Variants in SLC16A9 observed in about 807,000 individuals in gnomAD.
The protein encoded by SLC16A9 is solute carrier family 16 member 9, also known as monocarboxylate transporter 9.
Under a neutral mutation model 44.3 loss-of-function variants are expected in SLC16A9, and 26 were observed. The ratio of observed to expected loss-of-function variants is 0.59; its 90% CI spans 0.43 to 0.81. SLC16A9 has a LOEUF of 0.81. SLC16A9 is among the 40% of genes least tolerant of loss of function. The pLI, the probability that SLC16A9 is intolerant of heterozygous loss-of-function variation, is 0.00. For missense variants in SLC16A9, 559 were observed against 595.8 expected (o/e 0.94, Z 0.64); for synonymous variants, 230 against 225.1 (o/e 1.02, Z -0.19).
chr10:59,707,819 T>C (rs907503871), intron 1 of SLC16A9, among the ~76,000 whole-genome samples: 6 of 152,196 alleles, frequency 3.9e-5, no homozygotes, highest in Non-Finnish European at 7.3e-5. Flanking sequence ...TTGAGTTGCA[T>C]GGCCAGATCC....
intron 3 of SLC16A9, among the ~76,000 whole-genome samples, chr10:59,672,484 C>G (rs1236903835): frequency 6.6e-6 from 1 of 152,098 alleles, no homozygotes; most frequent in East Asian, 1.9e-4. Flanking sequence ...TTTATGTTCC[C>G]CTCTCACTTT....
Position 59,695,856 on chromosome 10 carries a change from G to T in SLC16A9, c.-36-11529C>A, listed in dbSNP as rs1033156100. Among the ~76,000 whole-genome samples, 12 of 152,254 alleles carry T rather than the reference G, an allele frequency of 7.9e-5. No homozygotes were observed. The East Asian group carries it at 2.3e-3, about 29-fold the overall frequency. On this transcript the variant is annotated intron_variant, in intron 1 of 5. Transcript: ENST00000395348. ...GCTGCTTTAGGTACATATGGAGGAA[G>T]GAGATAACAGAAAACTATTTTAAGC...
intron 1 of SLC16A9, among the ~76,000 whole-genome samples, chr10:59,697,347 A>G (rs1840417538): frequency 6.6e-6 from 1 of 150,484 alleles, no homozygotes; most frequent in African/African-American, 2.4e-5. Flanking sequence ...TCTGTGTAGA[A>G]AGAGGTAGAC....
chr10:59,689,917 A>G (rs1840216220), intron 1 of SLC16A9, among the ~76,000 whole-genome samples: 1 of 152,230 alleles, frequency 6.6e-6, no homozygotes, highest in Non-Finnish European at 1.5e-5. Context: ...ATGATCTAAT[A>G]TGATACATTC....
At chr10:59,702,395 A>T (rs560705975) in intron 1 of SLC16A9, among the ~76,000 whole-genome samples, 1 of 152,344 alleles carries the variant, frequency 6.6e-6, no homozygotes, top group East Asian at 1.9e-4. Context: ...GATGGTTAAC[A>T]TACTCGCTGA....
chr10:59,652,934 C>G lies in SLC16A9; in HGVS notation c.1368G>C (p.Trp456Cys). 1 of 1,604,302 alleles carries G rather than the reference C, an allele frequency of 6.2e-7. No individual in the cohort carries two copies. The highest frequency in any genetic ancestry group is 8.5e-7 in the Non-Finnish European group (1 of 1,177,220). Residue 456 changes from tryptophan (W) to cysteine (C), a missense_variant, in exon 6 of 6, where the codon TGG becomes TGC. Trp to Cys is a radical substitution (Grantham distance 215). Transcript: ENST00000395348. The part of the protein sequence containing the change: ...GPPIVGWFYD[W>C]TQTYDIAFYF... The stretch of plus-strand genomic sequence containing the variant: ...AAAATGCAATATCATAGGTCTGGGT[C>G]CAGTCATAAAACCAACCTGAAAAGG...
At chr10:59,661,351 C>T (rs1839470923) in intron 4 of SLC16A9, among the ~76,000 whole-genome samples, 1 of 152,156 alleles carries the variant, frequency 6.6e-6, no homozygotes, top group African/African-American at 2.4e-5. Context: ...CATTCCTATA[C>T]ACCAATAATA....
chr10:59,679,280 T>C (rs1839935711), intron 2 of SLC16A9, among the ~76,000 whole-genome samples: 1 of 152,174 alleles, frequency 6.6e-6, no homozygotes, highest in Non-Finnish European at 1.5e-5. Flanking sequence ...CCATGATAGC[T>C]CTCTAGTTCA....
At chr10:59,696,889 G>A (rs1840396248) in intron 1 of SLC16A9, among the ~76,000 whole-genome samples, 1 of 150,576 alleles carries the variant, frequency 6.6e-6, no homozygotes, top group Non-Finnish European at 1.5e-5. Flanking sequence ...TGTGGGAAGT[G>A]AGGAGCGTCT....
At chr10:59,672,053 T>C (rs1023678803) in intron 3 of SLC16A9, among the ~76,000 whole-genome samples, 3 of 152,172 alleles carry the variant, frequency 2.0e-5, no homozygotes, top group African/African-American at 7.2e-5. Context: ...AAGAAGAAAC[T>C]TGAAAGCTGG....
At chr10:59,685,016 G>A (rs930505616) in intron 1 of SLC16A9, among the ~76,000 whole-genome samples, 2 of 152,158 alleles carry the variant, frequency 1.3e-5, no homozygotes, top group Admixed American at 1.3e-4. Context: ...AAGGAGGCCT[G>A]GAATGGAACT....
At position 59,684,136 on chromosome 10, in the gene SLC16A9, G is replaced by A. The variant is rs765963319; in HGVS notation, c.156C>T (p.Ala52=). 6.2e-7 allele frequency: 1 copy of A among 1,613,950 alleles called. No homozygotes were observed. Among genetic ancestry groups the A allele is most frequent in the South Asian group, 1.1e-5 (1 of 91,016 alleles). The change falls in exon 2 of 6, where the codon GCC becomes GCT. Residue 52 remains alanine, a synonymous_variant. Coordinates refer to ENST00000395348, the MANE Select transcript of SLC16A9 (RefSeq NM_194298.3). ...DAFGEGKGKT[A]WVGSLASGVG... The stretch of plus-strand genomic sequence containing the variant: ...CTCCACTTGCCAGGGATCCAACCCA[G>A]GCTGTTTTTCCTTTTCCTTCACCAA...
chr10:59,697,096 CGGGAGGGAGGTGGGGGGGTT>C (rs1840408001), intron 1 of SLC16A9, among the ~76,000 whole-genome samples: 1 of 97,726 alleles, frequency 1.0e-5, no homozygotes, highest in African/African-American at 3.7e-5. Flanking sequence ...CCGCCCTGTC[CGGGAGGGAGGTGGGGGGGTT>C]CAGCCCCCCG....
At chr10:59,674,984 AT>A (rs879906256) in intron 2 of SLC16A9, among the ~76,000 whole-genome samples, 1 of 152,052 alleles carries the variant, frequency 6.6e-6, no homozygotes, top group Admixed American at 6.6e-5. Flanking sequence ...CTAACAAATG[AT>A]TTTTTTTGAA....
chr10:59,684,056 T>A, intron 2 of SLC16A9, 40 bp downstream of exon 2: 1 of 1,521,016 alleles, frequency 6.6e-7, no homozygotes, highest in Non-Finnish European at 9.0e-7. Flanking sequence ...TGTAATTAAA[T>A]GATTAAAGAG....
chr10:59,658,099 C>T (rs1205053954), intron 4 of SLC16A9, among the ~76,000 whole-genome samples: 1 of 152,104 alleles, frequency 6.6e-6, no homozygotes, highest in African/African-American at 2.4e-5. Flanking sequence ...CTCCACAACC[C>T]CTTGTCTTAA....
At chr10:59,655,195 C>T (rs1839322329) in intron 4 of SLC16A9, among the ~76,000 whole-genome samples, 1 of 152,074 alleles carries the variant, frequency 6.6e-6, no homozygotes, top group Admixed American at 6.6e-5. Context: ...GAGGCTGAGG[C>T]AGAAGAGTCG....
chr10:59,679,653 A>C (rs1052089858), intron 2 of SLC16A9, among the ~76,000 whole-genome samples: 1 of 152,226 alleles, frequency 6.6e-6, no homozygotes, highest in Non-Finnish European at 1.5e-5. Flanking sequence ...TCACATCTAC[A>C]AAATAACTTC....
intron 4 of SLC16A9, among the ~76,000 whole-genome samples, chr10:59,657,173 A>G (rs1358415474): frequency 6.6e-6 from 1 of 152,226 alleles, no homozygotes; most frequent in Non-Finnish European, 1.5e-5. Context: ...AATTGCACAT[A>G]ATTTTCACGT....
Sources: gnomAD v4.1 joint callset for allele counts (sites outside exome capture counted in the v4.1 genomes callset) on GRCh38, gnomAD v4.1.1 for gene constraint, MANE v1.5 for transcripts, NCBI Gene and HGNC (gene_info 2026-07-23, HGNC 2026-07-21) for gene names.